The following SFRP1 variants were observed in gnomAD, a reference collection of about 807,000 sequenced individuals.
The protein encoded by SFRP1 is secreted frizzled related protein 1.
A neutral mutation model predicts 25.9 loss-of-function variants in SFRP1; 9 were observed. The ratio of observed to expected loss-of-function variants is 0.35; its 90% confidence interval spans 0.21 to 0.61. The LOEUF (loss-of-function observed/expected upper bound fraction) is 0.61, where lower values mean the gene tolerates loss of function less well. Among genes scored for constraint, SFRP1 ranks in the 20% least tolerant of loss-of-function variants. SFRP1 has a pLI of 0.78. For synonymous variants in SFRP1, 178 were observed against 174.0 expected, an observed-to-expected ratio of 1.02 and a Z score of -0.18; for missense variants, 346 against 418.2, an observed-to-expected ratio of 0.83 and a Z score of 1.51.
chr8:41,275,622 C>T (rs1157970299), intron 2 of SFRP1, among the ~76,000 whole-genome samples: 2 of 151,930 alleles, frequency 1.3e-5, no homozygotes, highest in Admixed American at 1.3e-4. Context: ...CCTGCCTCAG[C>T]CTCCCGAGTA....
intron 2 of SFRP1, among the ~76,000 whole-genome samples, chr8:41,286,371 G>A (rs979958867): frequency 1.3e-5 from 2 of 152,152 alleles, no homozygotes; most frequent in East Asian, 1.9e-4. Context: ...CGCCTCCCCC[G>A]CCGCACAAAC....
chr8:41,302,373 G>T (rs576053513), intron 2 of SFRP1, among the ~76,000 whole-genome samples: 45 of 152,360 alleles, frequency 3.0e-4, no homozygotes, highest in Admixed American at 3.9e-4. Context: ...CCACATGTGT[G>T]CAGCTTACTT....
rs1371292335 is a variant in SFRP1 at position 41,265,503 on chromosome 8, G to A, written c.623-14C>T. On this transcript the variant is annotated splice_polypyrimidine_tract_variant and intron_variant, in intron 2 of 2. Transcript: ENST00000220772. ...TCATCCTCAGTGCTAGAGATGGAGA[G>A]GACAGAAGAAGAGAAAAGAGGGTAA... 1 of 1,574,538 alleles carries A rather than the reference G, an allele frequency of 6.4e-7. No individual in the cohort carries two copies. The highest frequency in any genetic ancestry group is 8.6e-7 in the Non-Finnish European group (1 of 1,164,672).
intron 2 of SFRP1, among the ~76,000 whole-genome samples, chr8:41,290,886 C>CTCTTTTTTTTTTTTTTT (rs1803769043): frequency 5.6e-5 from 3 of 53,874 alleles, no homozygotes; most frequent in Non-Finnish European, 1.2e-4. Flanking sequence ...TCTTCCTCGT[C>CTCTTTTTTTTTTTTTTT]TTTTTTTTTT....
intron 1 of SFRP1, among the ~76,000 whole-genome samples, chr8:41,307,264 G>A (rs1379721418): frequency 1.3e-5 from 2 of 152,178 alleles, no homozygotes; most frequent in Non-Finnish European, 2.9e-5. Context: ...TGAGAGCAGC[G>A]GTGCCCAGAC....
At chr8:41,282,623 G>A (rs1177069190) in intron 2 of SFRP1, among the ~76,000 whole-genome samples, 1 of 151,144 alleles carries the variant, frequency 6.6e-6, no homozygotes, top group East Asian at 1.9e-4. Context: ...ATAAGCTCAA[G>A]CATGGGAAAG....
intron 2 of SFRP1, among the ~76,000 whole-genome samples, chr8:41,283,965 T>G (rs1339739574): frequency 1.3e-5 from 2 of 152,310 alleles, no homozygotes; most frequent in East Asian, 3.9e-4. Flanking sequence ...TCCAACCTAC[T>G]GCTGTACACA....
At chr8:41,274,026 C>A (rs771270247) in intron 2 of SFRP1, among the ~76,000 whole-genome samples, 4 of 152,218 alleles carry the variant, frequency 2.6e-5, no homozygotes, top group Non-Finnish European at 4.4e-5. Context: ...CCATGTTTTT[C>A]GGCTCTGGGA....
intron 2 of SFRP1, among the ~76,000 whole-genome samples, chr8:41,294,728 C>G (rs1424354563): frequency 5.9e-5 from 9 of 152,168 alleles, no homozygotes; most frequent in Non-Finnish European, 1.3e-4. Context: ...TACAGCCCCC[C>G]AAACCTAACA....
chr8:41,272,506 G>A, intron 2 of SFRP1, among the ~76,000 whole-genome samples: 1 of 152,240 alleles, frequency 6.6e-6, no homozygotes, highest in East Asian at 1.9e-4. Flanking sequence ...CTAATTGGGA[G>A]GGTGAGGTAG....
chr8:41,270,713 T>C (rs1159036844), intron 2 of SFRP1, among the ~76,000 whole-genome samples: 1 of 151,724 alleles, frequency 6.6e-6, no homozygotes, highest in Non-Finnish European at 1.5e-5. Context: ...TTCCAGCTAC[T>C]TGGGAGGCTG....
intron 2 of SFRP1, among the ~76,000 whole-genome samples, chr8:41,291,298 T>C (rs916300253): frequency 1.3e-5 from 2 of 152,154 alleles, no homozygotes; most frequent in African/African-American, 4.8e-5. Context: ...CAAATCTCCA[T>C]TCTGTAAGAA....
At chr8:41,300,990 T>C (rs535312163) in intron 2 of SFRP1, among the ~76,000 whole-genome samples, 143 of 152,300 alleles carry the variant, frequency 9.4e-4, no homozygotes, top group African/African-American at 3.2e-3. Flanking sequence ...AGTGCAGGGC[T>C]GGAGACATGA....
At chr8:41,303,360 T>C (rs901021337) in intron 2 of SFRP1, 101 bp downstream of exon 2, 11 of 848,422 alleles carry the variant, frequency 1.3e-5, no homozygotes, top group South Asian at 1.0e-4. Flanking sequence ...GTAGAGAATA[T>C]GGAAAGCTGC....
chr8:41,299,873 GTT>G (rs919923751), intron 2 of SFRP1, among the ~76,000 whole-genome samples: 11 of 151,818 alleles, frequency 7.2e-5, no homozygotes, highest in African/African-American at 2.7e-4. Context: ...ATTGTTTTTT[GTT>G]TTGTCAGTAG....
At position 41,265,245 on chromosome 8, in the gene SFRP1, C is replaced by A; in HGVS notation, c.867G>T (p.Lys289Asn). 1 of 1,609,394 alleles carries A rather than the reference C, an allele frequency of 6.2e-7. No individual in the cohort carries two copies. ...TGAAGTTTTTGAACTCCTTGTTTTT[C>A]TTGTCCCACTTGTGGATGGCCGTCA... is the stretch of plus-strand genomic sequence containing the variant. Reference protein sequence around the residue: ...YLLTAIHKWDKKNKEFKNFMK... With the variant: ...YLLTAIHKWDNKNKEFKNFMK... Residue 289 changes from lysine to asparagine, a missense_variant, in exon 3 of 3, where the codon AAG becomes AAT. Lys to Asn is a moderately conservative substitution (Grantham distance 94, BLOSUM62 0). Transcript: ENST00000220772.
Position 41,290,886 on chromosome 8 carries a change from C to CT in SFRP1, c.622+12574dup, listed in dbSNP as rs561965318. Among the ~76,000 whole-genome samples the CT allele has an allele frequency of 2.7e-3, 143 of 53,884 alleles. 39 individuals carry two copies. Among genetic ancestry groups the CT allele is most frequent in the Non-Finnish European group, 3.9e-3 (95 of 24,588 alleles). 35.3% of individuals were successfully genotyped at this position (53,884 alleles called of 152,430 possible). A position where few individuals can be genotyped will look rare whatever the true frequency, so the allele number is the denominator to read the frequency against. On this transcript the variant is annotated intron_variant, in intron 2 of 2. Coordinates refer to ENST00000220772, the MANE Select transcript of SFRP1 (RefSeq NM_003012.5). ...GTCTTCTTCTCCTCCTCTTCCTCGT[C>CT]TTTTTTTTTTTTTTTTTTTTTTTTT... is the stretch of plus-strand genomic sequence containing the variant.
intron 2 of SFRP1, among the ~76,000 whole-genome samples, chr8:41,282,652 C>T (rs1803650633): frequency 6.6e-6 from 1 of 151,684 alleles, no homozygotes; most frequent in African/African-American, 2.4e-5. Flanking sequence ...ACATGGCAAC[C>T]TGTTCCTCTT....
chr8:41,290,548 G>A (rs1028329135), intron 2 of SFRP1, among the ~76,000 whole-genome samples: 1 of 152,204 alleles, frequency 6.6e-6, no homozygotes, highest in African/African-American at 2.4e-5. Flanking sequence ...CTGATTACAG[G>A]CTCTGGCTCC....
Sources: allele counts gnomAD v4.1 joint callset (sites outside exome capture counted in the v4.1 genomes callset), GRCh38; gene constraint gnomAD v4.1.1; transcripts MANE v1.5; gene names NCBI Gene and HGNC (gene_info 2026-07-23, HGNC 2026-07-21).